PDZRN3: variants seen among roughly 807,000 people sequenced by gnomAD.
PDZRN3 encodes the protein PDZ domain containing ring finger 3.
A neutral mutation model predicts 85.7 loss-of-function variants in PDZRN3; 38 were observed. That is an observed-to-expected ratio of 0.44 (90% CI 0.34 to 0.58). The LOEUF is 0.58. PDZRN3 is among the 20% of genes least tolerant of loss of function. The pLI is 0.01. For synonymous variants in PDZRN3, 759 were observed against 638.0 expected (o/e 1.19, Z -2.86); for missense variants, 1,629 against 1,506.4 (o/e 1.08, Z -1.35).
chr3:73,515,873 C>G (rs1220360494), intron 3 of PDZRN3, among the ~76,000 whole-genome samples: 2 of 152,126 alleles, frequency 1.3e-5, no homozygotes, highest in African/African-American at 4.8e-5. Flanking sequence ...CAGGACAAAC[C>G]AGGCCTATGC....
At chr3:73,469,622 G>T (rs1203291159) in intron 3 of PDZRN3, among the ~76,000 whole-genome samples, 1 of 152,186 alleles carries the variant, frequency 6.6e-6, no homozygotes, top group African/African-American at 2.4e-5. Flanking sequence ...CAAATGCCCG[G>T]TTTGTCCACA....
intron 3 of PDZRN3, among the ~76,000 whole-genome samples, chr3:73,553,809 A>G (rs556336685): frequency 2.0e-5 from 3 of 152,280 alleles, no homozygotes; most frequent in Admixed American, 2.0e-4. Flanking sequence ...GCTCTGGCAA[A>G]GTAGTGGCGG....
chr3:73,568,720 C>CT (rs901348535), intron 3 of PDZRN3, among the ~76,000 whole-genome samples: 2 of 152,190 alleles, frequency 1.3e-5, no homozygotes, highest in South Asian at 2.1e-4. Flanking sequence ...GTGGCATACT[C>CT]TTTTTATAGC....
At chr3:73,568,761 T>C (rs4234176) in intron 3 of PDZRN3, among the ~76,000 whole-genome samples, 131,274 of 152,232 alleles carry the variant, frequency 0.86, 56,620 homozygotes, top group Middle Eastern at 0.9. Flanking sequence ...ATTTGCTACA[T>C]GATTATCTAA....
At chr3:73,594,556 T>C (rs1410463320) in intron 3 of PDZRN3, among the ~76,000 whole-genome samples, 2 of 152,174 alleles carry the variant, frequency 1.3e-5, no homozygotes. Context: ...ATTCTAGAGA[T>C]GAAGACTCAA....
chr3:73,479,616 G>T (rs1703523472), intron 3 of PDZRN3, among the ~76,000 whole-genome samples: 2 of 152,182 alleles, frequency 1.3e-5, no homozygotes, highest in Non-Finnish European at 2.9e-5. Flanking sequence ...TGTAATAAGA[G>T]TTTGCTGAAC....
At chr3:73,411,091 T>C (rs1270703809) in intron 3 of PDZRN3, among the ~76,000 whole-genome samples, 3 of 152,210 alleles carry the variant, frequency 2.0e-5, no homozygotes, top group Non-Finnish European at 4.4e-5. Context: ...CAGTGAGAAG[T>C]GGTTTTGCTC....
In PDZRN3 at chr3:73,554,506, G is replaced by A. The variant is rs762838431; in HGVS notation, c.918+47848C>T. Reference sequence around the variant, plus strand: ...TCTTCACAGAAGCATGGGCCACAGCGTTGTTTGCAACAGTGAAAAATCAGA... The same window carrying A: ...TCTTCACAGAAGCATGGGCCACAGCATTGTTTGCAACAGTGAAAAATCAGA... On this transcript the variant is annotated intron_variant, in intron 3 of 9. Coordinates refer to ENST00000263666, the MANE Select transcript of PDZRN3 (RefSeq NM_015009.3). Among the ~76,000 whole-genome samples the A allele has an allele frequency of 2.6e-5, 4 of 152,094 alleles. No individual in the cohort carries two copies. The South Asian group carries it at 6.2e-4, about 24-fold the overall frequency.
chr3:73,558,002 A>T (rs927448111), intron 3 of PDZRN3, among the ~76,000 whole-genome samples: 4 of 152,152 alleles, frequency 2.6e-5, no homozygotes, highest in African/African-American at 9.7e-5. Flanking sequence ...ACTTTGTCAC[A>T]TATTTTCCTG....
At chr3:73,393,217 G>A (rs1216320915) in intron 5 of PDZRN3, among the ~76,000 whole-genome samples, 1 of 152,086 alleles carries the variant, frequency 6.6e-6, no homozygotes, top group African/African-American at 2.4e-5. Context: ...GAAGATTGTA[G>A]GAAGAAAAAT....
intron 3 of PDZRN3, chr3:73,561,306 C>G (rs1252973002): frequency 6.6e-6 from 1 of 152,206 alleles, no homozygotes; most frequent in Non-Finnish European, 1.5e-5. Flanking sequence ...TTAGGGCTCA[C>G]CCCCTCTTAG....
intron 3 of PDZRN3, among the ~76,000 whole-genome samples, chr3:73,529,032 G>A (rs1052586325): frequency 1.3e-5 from 2 of 152,112 alleles, no homozygotes; most frequent in African/African-American, 4.8e-5. Flanking sequence ...CAAGGTTAAA[G>A]TATACTTACA....
intron 3 of PDZRN3, among the ~76,000 whole-genome samples, chr3:73,416,912 G>C: frequency 1.2e-5 from 1 of 85,506 alleles, no homozygotes; most frequent in South Asian, 4.4e-4. Flanking sequence ...TTTTTTTTGA[G>C]ACAGAGTCTC....
At chr3:73,408,057 GC>G in intron 3 of PDZRN3, 1 of 668,538 alleles carries the variant, frequency 1.5e-6, no homozygotes, top group African/African-American at 1.8e-5. Flanking sequence ...TGACAACTGT[GC>G]CCAAGAAAAC....
chr3:73,443,865 G>C (rs1236652412), intron 3 of PDZRN3, among the ~76,000 whole-genome samples: 3 of 151,960 alleles, frequency 2.0e-5, no homozygotes, highest in Non-Finnish European at 2.9e-5. Context: ...AATCCCCACT[G>C]TAAATGGAAA....
chr3:73,485,196 C>T (rs1703641200), intron 3 of PDZRN3, among the ~76,000 whole-genome samples: 1 of 151,690 alleles, frequency 6.6e-6, no homozygotes, highest in Non-Finnish European at 1.5e-5. Context: ...TTTTCACCAA[C>T]CTAATATTAC....
At chr3:73,600,337 A>ACACACACACACTCTCTCT (rs34405662) in intron 3 of PDZRN3, among the ~76,000 whole-genome samples, 83 of 100,072 alleles carry the variant, frequency 8.3e-4, no homozygotes, top group Middle Eastern at 0.013. Context: ...ACACACACAC[A>ACACACACACACTCTCTCT]CTCTCTCTCT....
intron 3 of PDZRN3, among the ~76,000 whole-genome samples, chr3:73,524,627 C>G (rs1704478111): frequency 6.6e-6 from 1 of 152,054 alleles, no homozygotes; most frequent in South Asian, 2.1e-4. Flanking sequence ...TCAACAATTT[C>G]TAATAAAAGA....
intron 5 of PDZRN3, among the ~76,000 whole-genome samples, chr3:73,393,098 G>A (rs973958366): frequency 1.3e-5 from 2 of 151,982 alleles, no homozygotes; most frequent in African/African-American, 4.8e-5. Flanking sequence ...ATATCACGAC[G>A]GTTTAGGTCC....
Sources: allele counts gnomAD v4.1 joint callset (sites outside exome capture counted in the v4.1 genomes callset), GRCh38; gene constraint gnomAD v4.1.1; transcripts MANE v1.5; gene names NCBI Gene and HGNC (gene_info 2026-07-23, HGNC 2026-07-21).